Variants in VWA8 observed in about 807,000 individuals in gnomAD.
VWA8 encodes the protein von Willebrand factor A domain containing 8.
In VWA8, 221 loss-of-function variants were observed where a neutral mutation model predicts 241.5. That is an observed-to-expected ratio of 0.91 (90% confidence interval 0.82 to 1.02). The LOEUF (loss-of-function observed/expected upper bound fraction) is 1.02, where lower values mean the gene tolerates loss of function less well. Among genes scored for constraint, VWA8 ranks in the 50% least tolerant of loss-of-function variants. VWA8 has a pLI of 0.00. For missense variants in VWA8, 2,322 were observed against 2,328.7 expected, an observed-to-expected ratio of 1.00 and a Z score of 0.06; for synonymous variants, 852 against 827.1, an observed-to-expected ratio of 1.03 and a Z score of -0.52.
chr13:41,777,490 A>T (rs1267978092), intron 20 of VWA8, among the ~76,000 whole-genome samples: 1 of 152,198 alleles, frequency 6.6e-6, no homozygotes, highest in Non-Finnish European at 1.5e-5. Context: ...GCTTAGGAAT[A>T]GAGGGGTGGG....
At chr13:41,634,252 A>G (rs1483805046) in intron 37 of VWA8, among the ~76,000 whole-genome samples, 1 of 152,144 alleles carries the variant, frequency 6.6e-6, no homozygotes, top group Non-Finnish European at 1.5e-5. Flanking sequence ...CAGAGCCTGT[A>G]CTATCCTCTA....
At position 41,783,789 on chromosome 13, in the gene VWA8, T is replaced by A; in HGVS notation, c.2277+6A>T. 6.2e-7 allele frequency: 1 copy of A among 1,604,912 alleles called. No homozygotes were observed. Among genetic ancestry groups the A allele is most frequent in the Non-Finnish European group, 8.5e-7 (1 of 1,172,890 alleles). On this transcript the variant is annotated splice_donor_region_variant and intron_variant, in intron 19 of 44. Transcript: ENST00000379310. ...TTTATCCAAGAACACAAAGCAATAC[T>A]CTTACCTGAATGTTGTCATAGAAAA... is the stretch of plus-strand genomic sequence containing the variant.
chr13:41,812,030 T>C (rs1318178283), intron 16 of VWA8, among the ~76,000 whole-genome samples: 1 of 152,210 alleles, frequency 6.6e-6, no homozygotes, highest in African/African-American at 2.4e-5. Flanking sequence ...GTCGGTATCC[T>C]ATTTATTAGC....
chr13:41,917,526 T>C (rs1593868148), intron 2 of VWA8, among the ~76,000 whole-genome samples: 1 of 152,228 alleles, frequency 6.6e-6, no homozygotes, highest in Admixed American at 6.5e-5. Flanking sequence ...TTATTGAGTA[T>C]GGTTTGTGAG....
intron 5 of VWA8, among the ~76,000 whole-genome samples, chr13:41,891,148 GA>G (rs1260049441): frequency 7.1e-6 from 1 of 141,508 alleles, no homozygotes; most frequent in Non-Finnish European, 1.5e-5. Flanking sequence ...GGAAGAAAGA[GA>G]AGAAGAAAAA....
At chr13:41,831,068 T>G (rs963626257) in intron 13 of VWA8, among the ~76,000 whole-genome samples, 1 of 152,160 alleles carries the variant, frequency 6.6e-6, no homozygotes, top group Non-Finnish European at 1.5e-5. Flanking sequence ...GATTTAAAAA[T>G]ACAAAAATCT....
At chr13:41,769,490 G>A (rs1173718274) in intron 20 of VWA8, among the ~76,000 whole-genome samples, 1 of 152,170 alleles carries the variant, frequency 6.6e-6, no homozygotes, top group Non-Finnish European at 1.5e-5. Context: ...ACGTTGTGTG[G>A]AATATATAAA....
At chr13:41,641,287 G>A (rs1386043146) in intron 37 of VWA8, among the ~76,000 whole-genome samples, 1 of 152,148 alleles carries the variant, frequency 6.6e-6, no homozygotes, top group Non-Finnish European at 1.5e-5. Context: ...AACAACTAGA[G>A]CGAGAATTGC....
chr13:41,721,604 T>C (rs775424131), intron 24 of VWA8, 29 bp from the exon 25 acceptor site: 6 of 1,589,564 alleles, frequency 3.8e-6, no homozygotes, highest in East Asian at 2.2e-5. Context: ...TCACATTCAG[T>C]ATGCAACAAA....
chr13:41,603,561 C>A (rs2139655471), intron 40 of VWA8, among the ~76,000 whole-genome samples: 1 of 152,258 alleles, frequency 6.6e-6, no homozygotes, highest in South Asian at 2.1e-4. Flanking sequence ...CTTTGTAGCA[C>A]TGTGAATCCT....
intron 21 of VWA8, among the ~76,000 whole-genome samples, chr13:41,749,986 C>T (rs138333248): frequency 0.011 from 1,656 of 151,832 alleles, 32 homozygotes; most frequent in African/African-American, 0.039. Context: ...AACAAACCTG[C>T]GCGTTGTGCA....
intron 20 of VWA8, among the ~76,000 whole-genome samples, chr13:41,775,415 G>C (rs1363954137): frequency 6.6e-6 from 1 of 152,190 alleles, no homozygotes; most frequent in Non-Finnish European, 1.5e-5. Context: ...AAGAGTACAA[G>C]ATGGCAAGAC....
intron 2 of VWA8, among the ~76,000 whole-genome samples, chr13:41,949,642 C>A (rs900871021): frequency 2.6e-5 from 4 of 151,508 alleles, no homozygotes; most frequent in Non-Finnish European, 4.4e-5. Context: ...AAAAAAAGTT[C>A]TGTGCATTAT....
intron 21 of VWA8, among the ~76,000 whole-genome samples, chr13:41,757,532 T>G (rs983545509): frequency 6.6e-6 from 1 of 150,702 alleles, no homozygotes; most frequent in South Asian, 2.1e-4. Context: ...GTATGACTGA[T>G]CCTGCCATCT....
chr13:41,831,650 C>G (rs1212537887), intron 13 of VWA8, among the ~76,000 whole-genome samples: 11 of 144,082 alleles, frequency 7.6e-5, no homozygotes, highest in Non-Finnish European at 1.2e-4. Context: ...ACAGAGTCTC[C>G]CTCTCGTCAC....
At chr13:41,835,968 G>A (rs1871706922) in intron 12 of VWA8, among the ~76,000 whole-genome samples, 1 of 152,096 alleles carries the variant, frequency 6.6e-6, no homozygotes, top group Non-Finnish European at 1.5e-5. Flanking sequence ...AAACAGGTGG[G>A]GAACTTTTGA....
At chr13:41,848,838 C>T (rs1593814934) in intron 12 of VWA8, among the ~76,000 whole-genome samples, 1 of 152,204 alleles carries the variant, frequency 6.6e-6, no homozygotes, top group East Asian at 1.9e-4. Flanking sequence ...TCTGCAGCTA[C>T]CTAAATCTGG....
chr13:41,579,488 A>C (rs1195098946), intron 42 of VWA8, among the ~76,000 whole-genome samples: 1 of 152,226 alleles, frequency 6.6e-6, no homozygotes, highest in African/African-American at 2.4e-5. Flanking sequence ...ACTTAGAGAA[A>C]AATCACTTAA....
intron 1 of VWA8, among the ~76,000 whole-genome samples, chr13:41,958,578 T>C (rs944306834): frequency 6.6e-6 from 1 of 152,208 alleles, no homozygotes; most frequent in African/African-American, 2.4e-5. Context: ...CACTTGTCCA[T>C]GTATGATCTC....
Sources: allele counts gnomAD v4.1 joint callset (sites outside exome capture counted in the v4.1 genomes callset), GRCh38; gene constraint gnomAD v4.1.1; transcripts MANE v1.5; gene names NCBI Gene and HGNC (gene_info 2026-07-23, HGNC 2026-07-21).